Variants in KIF16B observed in about 807,000 individuals in gnomAD.
The protein encoded by KIF16B is kinesin-like protein KIF16B.
A neutral mutation model predicts 156.3 loss-of-function variants in KIF16B; 98 were observed. The ratio of observed to expected loss-of-function variants is 0.63; its 90% confidence interval spans 0.53 to 0.74. The LOEUF is 0.74. Ranked by LOEUF, KIF16B falls within the 30% of genes least tolerant of loss-of-function variation. KIF16B has a pLI of 0.00. For missense variants in KIF16B, 1,421 were observed against 1,606.5 expected, an observed-to-expected ratio of 0.88 and a Z score of 1.97; for synonymous variants, 564 against 583.7, an observed-to-expected ratio of 0.97 and a Z score of 0.49.
At chr20:16,401,765 T>C (rs2065662133) in intron 17 of KIF16B, among the ~76,000 whole-genome samples, 1 of 152,164 alleles carries the variant, frequency 6.6e-6, no homozygotes, top group Admixed American at 6.6e-5. Context: ...GGAGTTACTC[T>C]TAATTCCTTG....
intron 25 of KIF16B, among the ~76,000 whole-genome samples, chr20:16,303,868 C>T (rs916808731): frequency 3.3e-5 from 5 of 152,172 alleles, no homozygotes; most frequent in African/African-American, 4.8e-5. Flanking sequence ...CAGGGCATGC[C>T]TCTCTGAGGA....
At chr20:16,404,767 T>C in intron 17 of KIF16B, 46 bp downstream of exon 17, 2 of 1,435,164 alleles carry the variant, frequency 1.4e-6, no homozygotes. Context: ...GCACAATAAA[T>C]GCAAAAGTGA....
chr20:16,528,254 T>C, intron 2 of KIF16B, 117 bp downstream of exon 2: 1 of 739,694 alleles, frequency 1.4e-6, no homozygotes, highest in Non-Finnish European at 2.3e-6. Flanking sequence ...CGTGGCTAAC[T>C]GCACTGGAAA....
intron 1 of KIF16B, among the ~76,000 whole-genome samples, chr20:16,559,900 T>C (rs1372508156): frequency 1.3e-5 from 2 of 152,182 alleles, no homozygotes; most frequent in East Asian, 1.9e-4. Context: ...CTATTCAGAT[T>C]TGTATTCAAA....
At chr20:16,499,569 C>A (rs990597307) in intron 10 of KIF16B, among the ~76,000 whole-genome samples, 1 of 152,214 alleles carries the variant, frequency 6.6e-6, no homozygotes, top group Non-Finnish European at 1.5e-5. Flanking sequence ...TCATTGAAGA[C>A]ATGAAAGTGG....
Position 16,315,748 on chromosome 20 carries a change from C to T in KIF16B, c.3712-3330G>A, listed in dbSNP as rs76675896. Among the ~76,000 whole-genome samples, 665 of 152,230 alleles carry T rather than the reference C, an allele frequency of 4.4e-3. 9 individuals carry two copies. Among genetic ancestry groups the T allele is most frequent in the African/African-American group, 0.015 (628 of 41,532 alleles). Reference sequence around the variant, plus strand: ...TTAGTTAGCAACTATCATCTTACCCCTCTCCAAGTAAAAACTAAGAATAAT... The same window carrying T: ...TTAGTTAGCAACTATCATCTTACCCTTCTCCAAGTAAAAACTAAGAATAAT... On this transcript the variant is annotated intron_variant, in intron 24 of 25. Coordinates refer to ENST00000354981, the MANE Select transcript of KIF16B (RefSeq NM_024704.5).
intron 25 of KIF16B, among the ~76,000 whole-genome samples, chr20:16,279,067 T>A (rs1398003683): frequency 6.6e-6 from 1 of 152,152 alleles, no homozygotes; most frequent in Non-Finnish European, 1.5e-5. Flanking sequence ...CTTCGGTATC[T>A]CCCTTACAGT....
rs2065014917 is a variant in KIF16B, at chr20:16,378,832, T to C, written c.3170A>G (p.Gln1057Arg). 1.9e-6 allele frequency: 3 copies of C among 1,612,328 alleles called. No individual in the cohort carries two copies. Among genetic ancestry groups the C allele is most frequent in the African/African-American group, 1.3e-5 (1 of 74,972 alleles). The change falls in exon 19 of 26, where the codon CAG becomes CGG. Residue 1057 changes from glutamine to arginine, a missense_variant. By Grantham distance (43) the Gln-to-Arg change is conservative (BLOSUM62 1). Transcript: ENST00000354981. ...CTCCTGGTCCTTCTCCAGGGCTTCC[T>C]GCTCAGCCTCCAGGCTAGCCTGGAG... ...SGLQASLEAE[Q>R]EALEKDQERL...
At chr20:16,443,334 T>C (rs2066852555) in intron 12 of KIF16B, among the ~76,000 whole-genome samples, 1 of 152,176 alleles carries the variant, frequency 6.6e-6, no homozygotes, top group South Asian at 2.1e-4. Context: ...TCCCTGGCTG[T>C]GCAGTAAACT....
chr20:16,502,255 C>A (rs956903979), intron 10 of KIF16B, among the ~76,000 whole-genome samples: 6 of 152,012 alleles, frequency 3.9e-5, no homozygotes, highest in African/African-American at 1.2e-4. Context: ...TCTCAATGAA[C>A]CACAGCAGTA....
chr20:16,506,215 T>C (rs773335915), intron 7 of KIF16B, 25 bp from the exon 8 acceptor site: 7 of 1,605,660 alleles, frequency 4.4e-6, no homozygotes, highest in Non-Finnish European at 6.0e-6. Flanking sequence ...AAAAGTAAAA[T>C]TGAAGAGGTG....
intron 25 of KIF16B, among the ~76,000 whole-genome samples, chr20:16,279,826 A>C (rs1224896004): frequency 6.6e-6 from 1 of 152,188 alleles, no homozygotes; most frequent in Non-Finnish European, 1.5e-5. Context: ...AATCTTTTGA[A>C]CCAAAACACA....
chr20:16,284,456 T>C (rs2063193543), intron 25 of KIF16B, among the ~76,000 whole-genome samples: 2 of 152,324 alleles, frequency 1.3e-5, no homozygotes, highest in South Asian at 2.1e-4. Flanking sequence ...ATGTCCCGGA[T>C]TGCAATCCTC....
chr20:16,562,762 A>C (rs1195016228), intron 1 of KIF16B, among the ~76,000 whole-genome samples: 1 of 152,214 alleles, frequency 6.6e-6, no homozygotes, highest in Non-Finnish European at 1.5e-5. Flanking sequence ...AAAATGGGGA[A>C]TGTTAGCAAG....
chr20:16,418,327 G>A (rs866495484), intron 15 of KIF16B, among the ~76,000 whole-genome samples: 5 of 152,190 alleles, frequency 3.3e-5, no homozygotes, highest in Middle Eastern at 6.8e-3. Flanking sequence ...CCATCAAACT[G>A]ACTGAACAGA....
chr20:16,335,700 C>A (rs1406714973), intron 24 of KIF16B, among the ~76,000 whole-genome samples: 1 of 152,096 alleles, frequency 6.6e-6, no homozygotes, highest in African/African-American at 2.4e-5. Context: ...CTTTCAAAAT[C>A]TTCTGTTAAG....
intron 1 of KIF16B, among the ~76,000 whole-genome samples, chr20:16,539,380 C>T (rs2070106733): frequency 6.6e-6 from 1 of 152,184 alleles, no homozygotes; most frequent in Admixed American, 6.5e-5. Context: ...GGAACTGAAG[C>T]AAAGGTCATC....
At chr20:16,331,272 A>G (rs2063943615) in intron 24 of KIF16B, among the ~76,000 whole-genome samples, 1 of 152,248 alleles carries the variant, frequency 6.6e-6, no homozygotes, top group South Asian at 2.1e-4. Context: ...AGATTACCAA[A>G]AGAAAACAAA....
chr20:16,301,241 A>C (rs1161331528), intron 25 of KIF16B, among the ~76,000 whole-genome samples: 1 of 152,210 alleles, frequency 6.6e-6, no homozygotes, highest in Admixed American at 6.5e-5. Context: ...TTACCTACCA[A>C]AGGATATCTA....
Sources: gnomAD v4.1 joint callset for allele counts (sites outside exome capture counted in the v4.1 genomes callset) on GRCh38, gnomAD v4.1.1 for gene constraint, MANE v1.5 for transcripts, NCBI Gene and HGNC (gene_info 2026-07-23, HGNC 2026-07-21) for gene names.